The following MDGA2 variants were observed in gnomAD, a reference collection of about 807,000 sequenced individuals.
MDGA2 encodes MAM domain-containing glycosylphosphatidylinositol anchor protein 2.
In MDGA2, 40 loss-of-function variants were observed where a neutral mutation model predicts 117.8. The ratio of observed to expected loss-of-function variants is 0.34; its 90% CI spans 0.26 to 0.44. The LOEUF (loss-of-function observed/expected upper bound fraction) is 0.44. Among genes scored for constraint, MDGA2 ranks in the 20% least tolerant of loss-of-function variants. MDGA2 has a pLI of 1.00. For synonymous variants in MDGA2, 452 were observed against 439.0 expected, an observed-to-expected ratio of 1.03 and a Z score of -0.37; for missense variants, 1,123 against 1,250.6, an observed-to-expected ratio of 0.90 and a Z score of 1.54.
intron 5 of MDGA2, among the ~76,000 whole-genome samples, chr14:47,129,459 T>C (rs1882083448): frequency 6.6e-6 from 1 of 151,740 alleles, no homozygotes; most frequent in African/African-American, 2.4e-5. Context: ...CCATGGTGTA[T>C]ATGTGCCACA....
At chr14:47,515,416 C>T (rs1339032824) in intron 1 of MDGA2, among the ~76,000 whole-genome samples, 1 of 152,170 alleles carries the variant, frequency 6.6e-6, no homozygotes, top group Non-Finnish European at 1.5e-5. Flanking sequence ...ATGTTGACAT[C>T]ACTGCAGTCA....
intron 15 of MDGA2, among the ~76,000 whole-genome samples, chr14:46,849,347 C>G (rs961620069): frequency 6.6e-6 from 1 of 151,786 alleles, no homozygotes; most frequent in Non-Finnish European, 1.5e-5. Context: ...TATTTTTTAA[C>G]AGGTTGAATT....
At chr14:47,393,590 G>A (rs1332024225) in intron 1 of MDGA2, among the ~76,000 whole-genome samples, 2 of 152,028 alleles carry the variant, frequency 1.3e-5, no homozygotes, top group Admixed American at 6.6e-5. Context: ...TATTTGCACA[G>A]TCTGTTTCCA....
At chr14:47,108,921 G>A (rs182996292) in intron 5 of MDGA2, among the ~76,000 whole-genome samples, 5 of 152,230 alleles carry the variant, frequency 3.3e-5, no homozygotes, top group Admixed American at 3.3e-4. Context: ...CAGCGTGAAA[G>A]GTCTTTATAA....
At chr14:47,262,769 T>C (rs1034655246) in intron 2 of MDGA2, among the ~76,000 whole-genome samples, 3 of 152,194 alleles carry the variant, frequency 2.0e-5, no homozygotes, top group African/African-American at 7.2e-5. Context: ...TTCACTTTCA[T>C]GGAGATGAAG....
At chr14:47,223,932 C>T (rs1240904870) in intron 2 of MDGA2, among the ~76,000 whole-genome samples, 1 of 152,054 alleles carries the variant, frequency 6.6e-6, no homozygotes, top group Non-Finnish European at 1.5e-5. Flanking sequence ...CCTTAAAAAA[C>T]AATCAGATCT....
rs77965926 is a variant in MDGA2, at chr14:46,843,329, T to G, written c.2990-1310A>C. 4.7e-3 allele frequency among the ~76,000 whole-genome samples: 722 copies of G among 152,242 alleles called. 7 individuals are homozygous for G. The highest frequency in any genetic ancestry group is 0.016 in the African/African-American group (681 of 41,568). On this transcript the variant is annotated intron_variant, in intron 16 of 16. Coordinates refer to ENST00000399232, the MANE Select transcript of MDGA2 (RefSeq NM_001113498.3). The stretch of plus-strand genomic sequence containing the variant: ...AGTTTAATTCAATTTATTGAATTTA[T>G]TTATAATATTTGTGCTTACATTATG...
intron 10 of MDGA2, among the ~76,000 whole-genome samples, chr14:46,900,478 T>C (rs548493297): frequency 6.6e-6 from 1 of 152,238 alleles, no homozygotes; most frequent in East Asian, 1.9e-4. Flanking sequence ...AAAGAAAGAA[T>C]TATTAAACAA....
chr14:47,463,140 A>G (rs2138596269), intron 1 of MDGA2, among the ~76,000 whole-genome samples: 1 of 152,348 alleles, frequency 6.6e-6, no homozygotes, highest in East Asian at 1.9e-4. Flanking sequence ...ACTGAGGGCA[A>G]CAAACATTTT....
rs541271296 is a variant in MDGA2 at position 47,304,554 on chromosome 14, C to A, written c.281-3004G>T. ...TTGCTCCAAACTTAACCAAACTTCA[C>A]AATAGAATGTTGTCCCAGTTCATCA... On this transcript the variant is annotated intron_variant, in intron 1 of 16. Coordinates refer to ENST00000399232, the MANE Select transcript of MDGA2 (RefSeq NM_001113498.3). Among the ~76,000 whole-genome samples the A allele has an allele frequency of 1.3e-4, 20 of 152,258 alleles. 1 individual carries two copies. Among genetic ancestry groups the A allele is most frequent in the Middle Eastern group, 3.4e-3 (1 of 294 alleles).
chr14:47,314,858 G>A lies in MDGA2; in HGVS notation c.281-13308C>T, dbSNP rs190830566. 2.1e-3 allele frequency among the ~76,000 whole-genome samples: 326 copies of A among 152,162 alleles called. 3 individuals carry two copies. The highest frequency in any genetic ancestry group is 1.2e-3 in the Non-Finnish European group (81 of 68,000). ...TTACAATATGACCAATACAAAAATG[G>A]TATAGTTTATTGACATGACGAGAAA... On this transcript the variant is annotated intron_variant, in intron 1 of 16. Transcript: ENST00000399232.
At chr14:47,440,605 T>C (rs1407363221) in intron 1 of MDGA2, among the ~76,000 whole-genome samples, 1 of 152,202 alleles carries the variant, frequency 6.6e-6, no homozygotes, top group East Asian at 1.9e-4. Context: ...GTATCTCTGG[T>C]AGATACCATA....
At chr14:46,905,589 A>T (rs919870729) in intron 10 of MDGA2, among the ~76,000 whole-genome samples, 3 of 152,186 alleles carry the variant, frequency 2.0e-5, no homozygotes, top group South Asian at 2.1e-4. Flanking sequence ...CTTAAAATTT[A>T]TCAAGTTATT....
chr14:47,369,700 T>C (rs1427497312), intron 1 of MDGA2, among the ~76,000 whole-genome samples: 2 of 152,168 alleles, frequency 1.3e-5, no homozygotes, highest in Admixed American at 6.5e-5. Flanking sequence ...CCCATCAATA[T>C]AGTGGTCATC....
intron 10 of MDGA2, among the ~76,000 whole-genome samples, chr14:46,893,855 G>A (rs1424879131): frequency 1.3e-5 from 2 of 151,858 alleles, no homozygotes; most frequent in Non-Finnish European, 2.9e-5. Context: ...TCAGCCAGTA[G>A]GGTGCCTAAA....
intron 1 of MDGA2, among the ~76,000 whole-genome samples, chr14:47,346,315 A>C (rs146014967): frequency 1.7e-3 from 263 of 152,282 alleles, no homozygotes; most frequent in African/African-American, 6.0e-3. Context: ...AACATCCAAT[A>C]AGCGGTAACT....
At chr14:47,356,093 T>C (rs1890987644) in intron 1 of MDGA2, among the ~76,000 whole-genome samples, 2 of 152,164 alleles carry the variant, frequency 1.3e-5, no homozygotes, top group Non-Finnish European at 2.9e-5. Context: ...GTATTCATTC[T>C]TCCCTTAAAC....
chr14:47,068,155 T>G (rs1232638580), intron 6 of MDGA2, among the ~76,000 whole-genome samples: 2 of 152,224 alleles, frequency 1.3e-5, no homozygotes, highest in South Asian at 4.1e-4. Context: ...TTAGTACAGT[T>G]AATCATTTGA....
At chr14:47,141,371 A>C (rs1228094737) in intron 4 of MDGA2, among the ~76,000 whole-genome samples, 1 of 152,240 alleles carries the variant, frequency 6.6e-6, no homozygotes. Flanking sequence ...TATTCACAAT[A>C]GACAAAATAT....
Sources: allele counts gnomAD v4.1 joint callset (sites outside exome capture counted in the v4.1 genomes callset), GRCh38; gene constraint gnomAD v4.1.1; transcripts MANE v1.5; gene names NCBI Gene and HGNC (gene_info 2026-07-23, HGNC 2026-07-21).